The following PHF24 variants were observed in gnomAD, a reference collection of about 807,000 sequenced individuals.
The protein encoded by PHF24 is Galpha inhibitory interacting protein.
In PHF24, 25 loss-of-function variants were observed where a neutral mutation model predicts 42.6. The ratio of observed to expected loss-of-function variants is 0.59; its 90% confidence interval spans 0.43 to 0.82. The LOEUF (loss-of-function observed/expected upper bound fraction) is 0.82. Ranked by LOEUF, PHF24 falls within the 40% of genes least tolerant of loss-of-function variation. The probability of loss-of-function intolerance (pLI) is 0.00; values close to 1 mark genes in which losing one functional copy is unlikely to be tolerated. For missense variants in PHF24, 470 were observed against 538.1 expected (o/e 0.87, Z 1.25); for synonymous variants, 185 against 204.8 (o/e 0.90, Z 0.83).
the PHF24 span, among the ~76,000 whole-genome samples, chr9:34,671,213 G>A: frequency 6.6e-6 from 1 of 152,206 alleles, no homozygotes; most frequent in Non-Finnish European, 1.5e-5. Flanking sequence ...TTTGAGGAGA[G>A]GGTTTGGTCT....
chr9:34,940,856 T>TG, the PHF24 span, among the ~76,000 whole-genome samples: 1 of 152,244 alleles, frequency 6.6e-6, no homozygotes, highest in African/African-American at 2.4e-5. Context: ...CTCCTTCTGC[T>TG]GATCATGGTT....
At chr9:34,890,916 T>C in the PHF24 span, among the ~76,000 whole-genome samples, 10 of 152,278 alleles carry the variant, frequency 6.6e-5, no homozygotes, top group African/African-American at 2.4e-4. Context: ...ACAAGCTTCA[T>C]TGGTGTTTTG....
the PHF24 span, chr9:34,691,168 G>A: frequency 1.2e-6 from 2 of 1,609,512 alleles, no homozygotes; most frequent in Non-Finnish European, 1.7e-6. Flanking sequence ...GGCCAACGGT[G>A]AATGTGTGAG....
the PHF24 span, among the ~76,000 whole-genome samples, chr9:34,772,756 G>C: frequency 1.3e-5 from 2 of 152,188 alleles, no homozygotes; most frequent in Non-Finnish European, 2.9e-5. Context: ...ATGAGCAGGG[G>C]AGGAGGCTAG....
chr9:34,938,934 CAAAAA>C, the PHF24 span, among the ~76,000 whole-genome samples: 19 of 63,428 alleles, frequency 3.0e-4, no homozygotes, highest in Admixed American at 6.1e-4. Flanking sequence ...GAGACTCCAT[CAAAAA>C]AAAAAAAAAA....
the PHF24 span, among the ~76,000 whole-genome samples, chr9:34,740,373 C>T: frequency 6.6e-6 from 1 of 152,368 alleles, no homozygotes; most frequent in East Asian, 1.9e-4. Flanking sequence ...GGTCCTGAGC[C>T]CTGCCCTGCG....
the PHF24 span, among the ~76,000 whole-genome samples, chr9:34,686,593 A>G: frequency 6.6e-6 from 1 of 152,190 alleles, no homozygotes. Context: ...GGAGATTTTC[A>G]TCCCCCAAAG....
In PHF24 at chr9:34,962,307, C is replaced by G. The variant is rs969680543; in HGVS notation, c.-5+3906C>G. On this transcript the variant is annotated intron_variant, in intron 1 of 7. Coordinates refer to ENST00000242315, the Ensembl canonical transcript of PHF24. The stretch of plus-strand genomic sequence containing the variant: ...CATACCATCTAAGTCATGATGGAGT[C>G]CCCATATAGCTCCATGCCTTGGCAT... Among the ~76,000 whole-genome samples the G allele has an allele frequency of 2.0e-5, 3 of 152,266 alleles. No individual in the cohort carries two copies. The South Asian group carries it at 6.2e-4, about 32-fold the overall frequency.
chr9:34,757,006 G>A, the PHF24 span, among the ~76,000 whole-genome samples: 6 of 152,104 alleles, frequency 3.9e-5, no homozygotes, highest in African/African-American at 1.2e-4. Flanking sequence ...CCAGGTTCAA[G>A]CAATTCTCCT....
chr9:34,780,359 T>C, the PHF24 span, among the ~76,000 whole-genome samples: 1 of 139,454 alleles, frequency 7.2e-6, no homozygotes, highest in Non-Finnish European at 1.5e-5. Context: ...TGCAGTGGTG[T>C]GATCATGGCT....
intron 1 of PHF24, among the ~76,000 whole-genome samples, chr9:34,960,345 G>T (rs1175873794): frequency 1.3e-5 from 2 of 152,172 alleles, no homozygotes; most frequent in Non-Finnish European, 2.9e-5. Flanking sequence ...CCAAGCTAGT[G>T]GGAAAACAGA....
the PHF24 span, among the ~76,000 whole-genome samples, chr9:34,886,009 G>A: frequency 4.0e-5 from 6 of 151,782 alleles, no homozygotes; most frequent in Non-Finnish European, 7.4e-5. Flanking sequence ...TCCCTTATAT[G>A]TGGAGGAATT....
chr9:34,693,049 C>A, the PHF24 span, among the ~76,000 whole-genome samples: 1 of 152,162 alleles, frequency 6.6e-6, no homozygotes. Flanking sequence ...GATCTGCTTG[C>A]CTCCGCTTCC....
At chr9:34,739,328 G>A in the PHF24 span, among the ~76,000 whole-genome samples, 274 of 152,306 alleles carry the variant, frequency 1.8e-3, no homozygotes, top group African/African-American at 6.3e-3. Flanking sequence ...TGGAACAAAC[G>A]TTTGGAGTGC....
At chr9:34,695,977 C>A in the PHF24 span, among the ~76,000 whole-genome samples, 1 of 152,008 alleles carries the variant, frequency 6.6e-6, no homozygotes, top group Non-Finnish European at 1.5e-5. Flanking sequence ...TAATCTGGAG[C>A]ACGTAGAAGC....
At chr9:34,697,624 C>T in the PHF24 span, among the ~76,000 whole-genome samples, 17 of 152,196 alleles carry the variant, frequency 1.1e-4, no homozygotes, top group African/African-American at 2.2e-4. Flanking sequence ...CCAGCCTTCA[C>T]GTTTCACAAA....
the PHF24 span, chr9:34,726,833 G>A: frequency 6.4e-7 from 1 of 1,551,652 alleles, no homozygotes; most frequent in Non-Finnish European, 8.7e-7. Context: ...TAGGCAAGAG[G>A]AGCCCTGCAA....
chr9:34,684,368 T>TC, the PHF24 span, among the ~76,000 whole-genome samples: 1 of 152,106 alleles, frequency 6.6e-6, no homozygotes, highest in South Asian at 2.1e-4. Flanking sequence ...ACACTAACAT[T>TC]CAGAGTGATA....
At chr9:34,939,664 G>A in the PHF24 span, among the ~76,000 whole-genome samples, 11 of 152,354 alleles carry the variant, frequency 7.2e-5, no homozygotes, top group African/African-American at 2.6e-4. Flanking sequence ...ATGTAGTGAT[G>A]TGTTTAGAAC....
Sources: allele counts gnomAD v4.1 joint callset (sites outside exome capture counted in the v4.1 genomes callset), GRCh38; gene constraint gnomAD v4.1.1; transcripts MANE v1.5; gene names NCBI Gene and HGNC (gene_info 2026-07-23, HGNC 2026-07-21).